Variants in ATP11B observed in about 807,000 individuals in gnomAD.
ATP11B encodes the protein phospholipid-transporting ATPase IF.
A neutral mutation model predicts 157.8 loss-of-function variants in ATP11B; 81 were observed. The ratio of observed to expected loss-of-function variants is 0.51; its 90% confidence interval spans 0.43 to 0.62. The LOEUF is 0.62. Ranked by LOEUF, ATP11B falls within the 20% of genes least tolerant of loss-of-function variation. The pLI is 0.00. For synonymous variants in ATP11B, 451 were observed against 469.4 expected, an observed-to-expected ratio of 0.96 and a Z score of 0.51; for missense variants, 1,165 against 1,402.2, an observed-to-expected ratio of 0.83 and a Z score of 2.70.
At chr3:182,857,824 T>C (rs1159593681) in intron 10 of ATP11B, 54 bp from the exon 11 acceptor site, 38 of 1,142,500 alleles carry the variant, frequency 3.3e-5, no homozygotes, top group Non-Finnish European at 4.5e-5. Flanking sequence ...TTCAAGCAAA[T>C]GAATATAGTA....
At chr3:182,809,300 G>A (rs1324906242) in intron 1 of ATP11B, among the ~76,000 whole-genome samples, 3 of 151,786 alleles carry the variant, frequency 2.0e-5, no homozygotes. Context: ...CCAGGCTGGA[G>A]TGCAATGGTG....
At chr3:182,807,465 G>A (rs1462078430) in intron 1 of ATP11B, among the ~76,000 whole-genome samples, 2 of 152,220 alleles carry the variant, frequency 1.3e-5, no homozygotes, top group Non-Finnish European at 2.9e-5. Flanking sequence ...ATGTTATATA[G>A]TGTAAATGGC....
In ATP11B at chr3:182,830,108, T is replaced by C. The variant is rs145242548; in HGVS notation, c.315+356T>C. 305 of 301,780 alleles carry C rather than the reference T, an allele frequency of 1.0e-3. 4 individuals are homozygous for C. The Admixed American group carries it at 0.014, about 14-fold the overall frequency. 18.7% of individuals were successfully genotyped at this position (301,780 alleles called of 1,614,324 possible). ...AAGGAAATACAATTCAAAAGAGATATGTTTATAGAGAGCAGGGTATATACT... is the reference window on the plus strand; with the variant it reads ...AAGGAAATACAATTCAAAAGAGATACGTTTATAGAGAGCAGGGTATATACT... On this transcript the variant is annotated intron_variant, in intron 4 of 29. Transcript: ENST00000323116.
At position 182,828,304 on chromosome 3, in the gene ATP11B, A is replaced by C. The variant is rs996872318; in HGVS notation, c.234+95A>C. On this transcript the variant is annotated intron_variant, in intron 3 of 29. Coordinates refer to ENST00000323116, the MANE Select transcript of ATP11B (RefSeq NM_014616.3). Reference sequence around the variant, plus strand: ...ATTACATTGTGTTGCTAATCATTTGACCATGTGACCATTTTTTCTGCAGTG... The same window carrying C: ...ATTACATTGTGTTGCTAATCATTTGCCCATGTGACCATTTTTTCTGCAGTG... The C allele has an allele frequency of 1.1e-5, 6 of 563,836 alleles. No homozygotes were observed. In the African/African-American group the frequency reaches 1.2e-4, roughly 11 times the overall value. The allele number at this position is 563,836 out of a possible 1,614,324, so 34.9% of individuals were successfully genotyped here.
chr3:182,877,093 T>A (rs1722096655), intron 19 of ATP11B, among the ~76,000 whole-genome samples: 2 of 152,188 alleles, frequency 1.3e-5, no homozygotes, highest in Non-Finnish European at 2.9e-5. Flanking sequence ...AACAGAGACA[T>A]AAGGTGTGTT....
chr3:182,799,961 T>TA (rs1454791764), intron 1 of ATP11B, among the ~76,000 whole-genome samples: 1 of 152,150 alleles, frequency 6.6e-6, no homozygotes, highest in East Asian at 1.9e-4. Flanking sequence ...AAATTAAAAA[T>TA]TAGCTGGGCA....
At chr3:182,888,587 C>T (rs922918415) in intron 24 of ATP11B, among the ~76,000 whole-genome samples, 2 of 152,132 alleles carry the variant, frequency 1.3e-5, no homozygotes, top group African/African-American at 2.4e-5. Flanking sequence ...GTAGCAAGAT[C>T]GTAGCTCACT....
intron 25 of ATP11B, among the ~76,000 whole-genome samples, chr3:182,896,319 C>T (rs184261239): frequency 2.0e-5 from 3 of 152,240 alleles, no homozygotes; most frequent in South Asian, 2.1e-4. Flanking sequence ...TCTGCTGTAA[C>T]GTCTGGTTGG....
chr3:182,795,022 G>A (rs1715511575), intron 1 of ATP11B, among the ~76,000 whole-genome samples: 2 of 148,592 alleles, frequency 1.3e-5, no homozygotes, highest in African/African-American at 2.6e-5. Context: ...GTTTTGCAGC[G>A]GGCATCATTC....
chr3:182,916,992 A>C, intron 29 of ATP11B: 1 of 984,754 alleles, frequency 1.0e-6, no homozygotes. Context: ...ACAGTTCTAG[A>C]TGCTAGGGAG....
chr3:182,850,867 T>A (rs765596249), intron 10 of ATP11B, among the ~76,000 whole-genome samples: 2 of 151,914 alleles, frequency 1.3e-5, no homozygotes, highest in African/African-American at 4.8e-5. Flanking sequence ...GATAAAAAAA[T>A]GTATACATAC....
intron 4 of ATP11B, 35 bp from the exon 5 acceptor site, chr3:182,836,000 T>A: frequency 6.5e-7 from 1 of 1,536,268 alleles, no homozygotes; most frequent in Non-Finnish European, 8.9e-7. Flanking sequence ...CAAATTATAC[T>A]GAAAAATTAT....
chr3:182,837,080 G>T lies in ATP11B; in HGVS notation c.562G>T (p.Ala188Ser). ...DGETNLKTHVAVPETALLQTV... is the reference protein window; with the variant it reads ...DGETNLKTHVSVPETALLQTV... ...AATTCATTTTTTTCAGACACATGTG[G>T]CAGTTCCAGAAACAGCATTATTACA... The change falls in exon 7 of 30, where the codon GCA becomes TCA. Residue 188 changes from alanine to serine, a missense_variant. Physicochemically the swap from Ala to Ser is moderately conservative, Grantham distance 99. Around this residue, in one of 4 missense-constraint regions of ATP11B, gnomAD observed 737 missense variants for 930.5 expected, o/e 0.79. Transcript: ENST00000323116. The T allele has an allele frequency of 1.2e-6, 2 of 1,612,040 alleles. No homozygotes were observed. Among genetic ancestry groups the T allele is most frequent in the Non-Finnish European group, 1.7e-6 (2 of 1,178,854 alleles).
At chr3:182,913,200 A>G (rs936316783) in intron 28 of ATP11B, among the ~76,000 whole-genome samples, 2 of 152,218 alleles carry the variant, frequency 1.3e-5, no homozygotes, top group African/African-American at 4.8e-5. Context: ...ACAAAGCAGG[A>G]TGAGCTGATG....
Position 182,914,008 on chromosome 3 carries a change from CTAAG to C in ATP11B, c.3452+17_3452+20del. 1 of 1,613,518 alleles carries C rather than the reference CTAAG, an allele frequency of 6.2e-7. No homozygotes were observed. The highest frequency in any genetic ancestry group is 8.5e-7 in the Non-Finnish European group (1 of 1,179,668). ...CCACATCAGCAGGTGTGAAATCTCTCTAAGTAGCCTTTGCTGCAGATGAGTATCC... is the reference window on the plus strand; with the variant it reads ...CCACATCAGCAGGTGTGAAATCTCTCTAGCCTTTGCTGCAGATGAGTATCC... On this transcript the variant is annotated intron_variant, in intron 29 of 29. Coordinates refer to ENST00000323116, the MANE Select transcript of ATP11B (RefSeq NM_014616.3).
At chr3:182,875,528 G>A (rs970453819) in intron 19 of ATP11B, among the ~76,000 whole-genome samples, 3 of 152,098 alleles carry the variant, frequency 2.0e-5, no homozygotes, top group Non-Finnish European at 4.4e-5. Flanking sequence ...CACAACCTCC[G>A]CCTTCCGGGT....
At chr3:182,890,337 T>G (rs966386623) in intron 25 of ATP11B, among the ~76,000 whole-genome samples, 1 of 152,206 alleles carries the variant, frequency 6.6e-6, no homozygotes, top group African/African-American at 2.4e-5. Context: ...CAAAATATGT[T>G]TGGAGATACA....
intron 8 of ATP11B, among the ~76,000 whole-genome samples, chr3:182,845,009 T>TTTTTTTTTTTTTCA (rs1560081876): frequency 8.9e-6 from 1 of 112,090 alleles, no homozygotes; most frequent in Non-Finnish European, 1.7e-5. Context: ...TTTTTTTATT[T>TTTTTTTTTTTTTCA]TTTTTTATTT....
intron 9 of ATP11B, among the ~76,000 whole-genome samples, chr3:182,847,135 C>T (rs559308267): frequency 6.6e-6 from 1 of 150,418 alleles, no homozygotes; most frequent in Non-Finnish European, 1.5e-5. Context: ...ATTGCAACCT[C>T]TGCCTCCCGG....
Sources: allele counts gnomAD v4.1 joint callset (sites outside exome capture counted in the v4.1 genomes callset), GRCh38; gene constraint gnomAD v4.1.1; regional missense constraint gnomAD v4.1.1; transcripts MANE v1.5; gene names NCBI Gene and HGNC (gene_info 2026-07-23, HGNC 2026-07-21).